SIPA1L1: variants seen among roughly 807,000 people sequenced by gnomAD.
The protein encoded by SIPA1L1 is signal-induced proliferation-associated 1-like protein 1.
SIPA1L1 carries 26 observed loss-of-function variants against 162.7 expected under a neutral mutation model. The ratio of observed to expected loss-of-function variants is 0.16; its 90% confidence interval spans 0.12 to 0.22. The LOEUF (loss-of-function observed/expected upper bound fraction) is 0.22. Among genes scored for constraint, SIPA1L1 ranks in the 10% least tolerant of loss-of-function variants. The pLI is 1.00. For synonymous variants in SIPA1L1, 829 were observed against 837.4 expected (o/e 0.99, Z 0.17); for missense variants, 1,874 against 2,241.0 (o/e 0.84, Z 3.31).
intron 2 of SIPA1L1, among the ~76,000 whole-genome samples, chr14:71,478,103 A>T (rs2048029650): frequency 6.6e-6 from 1 of 152,284 alleles, no homozygotes; most frequent in East Asian, 1.9e-4. Flanking sequence ...GTTAACCTGC[A>T]TTTCTCTAGT....
chr14:71,666,601 C>T (rs1440469449), intron 10 of SIPA1L1, among the ~76,000 whole-genome samples: 3 of 152,040 alleles, frequency 2.0e-5, no homozygotes, highest in African/African-American at 7.2e-5. Context: ...AAACTGTGGT[C>T]AGTAGGTATG....
chr14:71,666,607 G>T lies in SIPA1L1; in HGVS notation c.2256-4512G>T, dbSNP rs541679541. ...ACAAATATTAAACTGTGGTCAGTAG[G>T]TATGTTTAGGAAGGTAGAAATATGT... On this transcript the variant is annotated intron_variant, in intron 10 of 23. Transcript: ENST00000381232. 2.0e-5 allele frequency among the ~76,000 whole-genome samples: 3 copies of T among 152,252 alleles called. No individual in the cohort carries two copies. In the East Asian group the frequency reaches 5.8e-4, roughly 29 times the overall value.
At chr14:71,335,480 AG>A (rs1309185763) in intron 2 of SIPA1L1, among the ~76,000 whole-genome samples, 2 of 152,246 alleles carry the variant, frequency 1.3e-5, no homozygotes, top group African/African-American at 2.4e-5. Context: ...TGATTTAGAA[AG>A]GTCCTGACAC....
chr14:71,422,879 A>T (rs1474789303), intron 2 of SIPA1L1, among the ~76,000 whole-genome samples: 1 of 152,200 alleles, frequency 6.6e-6, no homozygotes, highest in African/African-American at 2.4e-5. Context: ...TAGTTCTATT[A>T]AAAAATTTTG....
At chr14:71,708,015 G>GTTTTTTTTTTTTTTT (rs34838057) in intron 16 of SIPA1L1, among the ~76,000 whole-genome samples, 7 of 100,298 alleles carry the variant, frequency 7.0e-5, no homozygotes, top group Non-Finnish European at 1.2e-4. Flanking sequence ...GTTTTTTGGT[G>GTTTTTTTTTTTTTTT]TTTTTTTTTT....
chr14:71,623,937 T>C, intron 6 of SIPA1L1, 111 bp from the exon 7 acceptor site: 1 of 821,286 alleles, frequency 1.2e-6, no homozygotes, highest in Non-Finnish European at 1.9e-6. Context: ...CCATCAAAAA[T>C]CATTCCCTAG....
At chr14:71,561,530 G>A (rs1452622433) in intron 4 of SIPA1L1, among the ~76,000 whole-genome samples, 1 of 152,102 alleles carries the variant, frequency 6.6e-6, no homozygotes, top group Non-Finnish European at 1.5e-5. Context: ...AAATTTTTTT[G>A]TTAATTAACA....
intron 2 of SIPA1L1, among the ~76,000 whole-genome samples, chr14:71,495,490 C>T (rs1047810980): frequency 3.3e-5 from 5 of 150,730 alleles, no homozygotes; most frequent in African/African-American, 1.2e-4. Context: ...TCATTTATTC[C>T]TGATTTTGGT....
At position 71,588,043 on chromosome 14, in the gene SIPA1L1, C is replaced by T. The variant is rs764131376; in HGVS notation, c.171C>T (p.Pro57=). The part of the protein sequence containing the change: ...GSSVMAPVGP[P]RSEGSHHITS... ...CAGTTATGGCTCCTGTAGGACCCCC[C>T]CGAAGTGAAGGTTCTCACCATATAA... is the stretch of plus-strand genomic sequence containing the variant. Residue 57 remains proline (P), a synonymous_variant, in exon 5 of 24, where the codon CCC becomes CCT. Coordinates refer to ENST00000381232, the MANE Select transcript of SIPA1L1 (RefSeq NM_001386936.1). This position sits in a 1 kb window ranked among gnomAD's most constrained non-coding sequence, Gnocchi z 4.3. The T allele has an allele frequency of 4.3e-6, 7 of 1,614,086 alleles. No homozygotes were observed. Among genetic ancestry groups the T allele is most frequent in the Non-Finnish European group, 2.5e-6 (3 of 1,179,984 alleles).
In SIPA1L1 at chr14:71,379,976, G is replaced by A. The variant is rs371808869; in HGVS notation, c.-465+58795G>A. On this transcript the variant is annotated intron_variant, in intron 2 of 23. Transcript: ENST00000381232. ...TTATTATTGCCATATTCTTTCAAGT[G>A]CCTTCTTTTTGAAAATAATAATAAT... Among the ~76,000 whole-genome samples, 36 of 152,050 alleles carry A rather than the reference G, an allele frequency of 2.4e-4. No homozygotes were observed. The South Asian group carries it at 6.6e-3, about 28-fold the overall frequency.
At chr14:71,543,977 A>G (rs1041353765) in intron 4 of SIPA1L1, among the ~76,000 whole-genome samples, 20 of 150,236 alleles carry the variant, frequency 1.3e-4, no homozygotes, top group Admixed American at 1.2e-3. Context: ...ATATACACAC[A>G]CGCACATGTA....
At chr14:71,529,046 AG>A (rs2053176859) in intron 3 of SIPA1L1, among the ~76,000 whole-genome samples, 1 of 151,972 alleles carries the variant, frequency 6.6e-6, no homozygotes, top group Non-Finnish European at 1.5e-5. Context: ...TGGGAGGTGG[AG>A]GTTGTGGTGA....
intron 5 of SIPA1L1, among the ~76,000 whole-genome samples, chr14:71,593,362 G>A (rs576952054): frequency 1.3e-4 from 20 of 152,010 alleles, no homozygotes; most frequent in Middle Eastern, 3.4e-3. Context: ...CAGGTGTGCA[G>A]CACTGTGCCA....
chr14:71,587,212 A>C (rs933439988), intron 4 of SIPA1L1, among the ~76,000 whole-genome samples: 2 of 152,206 alleles, frequency 1.3e-5, no homozygotes, highest in African/African-American at 4.8e-5. Flanking sequence ...TGGTCATCAC[A>C]GTAGCTCATG....
intron 5 of SIPA1L1, among the ~76,000 whole-genome samples, chr14:71,611,375 A>G (rs2038185410): frequency 6.6e-6 from 1 of 151,700 alleles, no homozygotes; most frequent in African/African-American, 2.4e-5. Flanking sequence ...TTTTTTTCCT[A>G]GTTGTTATTT....
intron 4 of SIPA1L1, among the ~76,000 whole-genome samples, chr14:71,555,144 C>T (rs933410922): frequency 6.6e-6 from 1 of 152,174 alleles, no homozygotes; most frequent in South Asian, 2.1e-4. Context: ...CCTTTGAAGC[C>T]AGGCATTGAC....
chr14:71,431,708 T>G (rs1024364540), intron 2 of SIPA1L1, among the ~76,000 whole-genome samples: 3 of 151,740 alleles, frequency 2.0e-5, no homozygotes, highest in Non-Finnish European at 4.4e-5. Flanking sequence ...AATAAATAAA[T>G]AAATAAAAAT....
rs1264739502 is a variant in SIPA1L1, at chr14:71,467,649, G to A, written c.-464-45094G>A. 2.0e-5 allele frequency among the ~76,000 whole-genome samples: 3 copies of A among 152,202 alleles called. No homozygotes were observed. In the East Asian group the frequency reaches 5.8e-4, roughly 29 times the overall value. ...CAAAAATTGTCCCTTATGTTTTTAA[G>A]TATAATGAGTCATTTTGAGAGACAA... On this transcript the variant is annotated intron_variant, in intron 2 of 23. Transcript: ENST00000381232.
At chr14:71,651,423 T>C (rs1432542357) in intron 8 of SIPA1L1, among the ~76,000 whole-genome samples, 1 of 152,208 alleles carries the variant, frequency 6.6e-6, no homozygotes, top group African/African-American at 2.4e-5. Flanking sequence ...GGGAAGAATT[T>C]CCTGTTGCCA....
Sources: gnomAD v4.1 joint callset for allele counts (sites outside exome capture counted in the v4.1 genomes callset) on GRCh38, gnomAD v4.1.1 for gene constraint, Gnocchi (gnomAD v3.1) non-coding constraint, MANE v1.5 for transcripts, NCBI Gene and HGNC (gene_info 2026-07-23, HGNC 2026-07-21) for gene names.